RNF144B: variants seen among roughly 807,000 people sequenced by gnomAD.
RNF144B encodes the protein ring finger protein 144B.
RNF144B carries 25 observed loss-of-function variants against 40.2 expected under a neutral mutation model. The ratio of observed to expected loss-of-function variants is 0.62; its 90% CI spans 0.45 to 0.87. RNF144B has a LOEUF of 0.87. RNF144B is among the 40% of genes least tolerant of loss of function. The probability of loss-of-function intolerance (pLI) is 0.00; values close to 1 mark genes in which losing one functional copy is unlikely to be tolerated. For missense variants in RNF144B, 365 were observed against 373.7 expected (o/e 0.98, Z 0.19); for synonymous variants, 145 against 136.3 (o/e 1.06, Z -0.44).
At chr6:18,463,467 T>A in intron 7 of RNF144B, 87 bp downstream of exon 7, 2 of 806,358 alleles carry the variant, frequency 2.5e-6, no homozygotes, top group South Asian at 1.4e-5. Context: ...CATTATTCCC[T>A]CCTGGGAGGT....
At chr6:18,396,722 A>C in intron 1 of RNF144B, 1 of 985,428 alleles carries the variant, frequency 1.0e-6, no homozygotes, top group Non-Finnish European at 1.2e-6. Flanking sequence ...GTGAGAAGAC[A>C]ACAGATGGGA....
At position 18,434,614 on chromosome 6, in the gene RNF144B, GT is replaced by G. The variant is rs1450521508; in HGVS notation, c.271-5065del. On this transcript the variant is annotated intron_variant, in intron 3 of 7. Coordinates refer to ENST00000259939, the MANE Select transcript of RNF144B (RefSeq NM_182757.4). The surrounding 1 kb of genome is among the most constrained non-coding windows in gnomAD (Gnocchi z 4.1). ...ACATTCAGCTGAGTAGGAACTGAGTGTTTTTGTTTTGTTTGTTTGTTTTTTT... is the reference window on the plus strand; with the variant it reads ...ACATTCAGCTGAGTAGGAACTGAGTGTTTTGTTTTGTTTGTTTGTTTTTTT... Among the ~76,000 whole-genome samples, 2 of 150,452 alleles carry G rather than the reference GT, an allele frequency of 1.3e-5. No homozygotes were observed. The highest frequency in any genetic ancestry group is 1.3e-4 in the Admixed American group (2 of 14,858).
rs777540826 is a variant in RNF144B at position 18,464,961 on chromosome 6, C to T, written c.806C>T (p.Ala269Val). The T allele has an allele frequency of 3.7e-6, 6 of 1,613,924 alleles. No individual in the cohort carries two copies. The South Asian group carries it at 6.6e-5, about 18-fold the overall frequency. The change falls in exon 8 of 8, where the codon GCC (alanine) becomes GTC (valine). Residue 269 changes from alanine to valine, a missense_variant. By Grantham distance (64) the Ala-to-Val change is moderately conservative. Coordinates refer to ENST00000259939, the MANE Select transcript of RNF144B (RefSeq NM_182757.4). The surrounding 1 kb of genome is among the most constrained non-coding windows in gnomAD (Gnocchi z 6.1). ...ATTCTCGTAGGCTTGGGCATCATTGCCTTGGTTACTTCACCCTTGTTACTC... is the reference window on the plus strand; with the variant it reads ...ATTCTCGTAGGCTTGGGCATCATTGTCTTGGTTACTTCACCCTTGTTACTC... ...VGILVGLGII[A>V]LVTSPLLLLA...
chr6:18,426,470 T>C (rs36103630), intron 2 of RNF144B, among the ~76,000 whole-genome samples: 2 of 152,234 alleles, frequency 1.3e-5, no homozygotes, highest in African/African-American at 4.8e-5. Flanking sequence ...AGGAATAGGG[T>C]GAGGCATTAC....
In RNF144B at chr6:18,422,176, G is replaced by T. The variant is rs926351409; in HGVS notation, c.166-5405G>T. Among the ~76,000 whole-genome samples the T allele has an allele frequency of 6.6e-6, 1 of 152,192 alleles. No homozygotes were observed. The highest frequency in any genetic ancestry group is 2.4e-5 in the African/African-American group (1 of 41,458). On this transcript the variant is annotated intron_variant, in intron 2 of 7. Coordinates refer to ENST00000259939, the MANE Select transcript of RNF144B (RefSeq NM_182757.4). This position sits in a 1 kb window ranked among gnomAD's most constrained non-coding sequence, Gnocchi z 4.7. Reference sequence around the variant, plus strand: ...ATTTTCAAACCAGGATGCTTTTGGTGTGTTGGATAGGCTTTTGAGTAGGGA... The same window carrying T: ...ATTTTCAAACCAGGATGCTTTTGGTTTGTTGGATAGGCTTTTGAGTAGGGA...
At chr6:18,435,151 T>C (rs1376038815) in intron 3 of RNF144B, among the ~76,000 whole-genome samples, 1 of 152,218 alleles carries the variant, frequency 6.6e-6, no homozygotes, top group Non-Finnish European at 1.5e-5. Flanking sequence ...AAGTTGTCTT[T>C]TGTGCTTGGA....
rs1235364519 is a variant in RNF144B at position 18,395,181 on chromosome 6, C to G, written c.-36-4318C>G. 6.6e-6 allele frequency among the ~76,000 whole-genome samples: 1 copy of G among 152,164 alleles called. No homozygotes were observed. Among genetic ancestry groups the G allele is most frequent in the Non-Finnish European group, 1.5e-5 (1 of 68,034 alleles). On this transcript the variant is annotated intron_variant, in intron 1 of 7. Transcript: ENST00000259939. This position sits in a 1 kb window ranked among gnomAD's most constrained non-coding sequence, Gnocchi z 4.5. ...AAGTGGTAGGGTGGATAATTCAAGT[C>G]ACTTTCTTATTTTTGATAGAAATGT...
chr6:18,418,165 A>G lies in RNF144B; in HGVS notation c.166-9416A>G, dbSNP rs373042391. Among the ~76,000 whole-genome samples, 4 of 152,322 alleles carry G rather than the reference A, an allele frequency of 2.6e-5. No homozygotes were observed. Among genetic ancestry groups the G allele is most frequent in the African/African-American group, 9.6e-5 (4 of 41,592 alleles). ...ATGGAAAATGATGCAATTGCTTTGG[A>G]AAATCATCTAGCAGTTCCTCAAAAG... On this transcript the variant is annotated intron_variant, in intron 2 of 7. Coordinates refer to ENST00000259939, the MANE Select transcript of RNF144B (RefSeq NM_182757.4). The surrounding 1 kb of genome is among the most constrained non-coding windows in gnomAD (Gnocchi z 5.2).
intron 3 of RNF144B, among the ~76,000 whole-genome samples, chr6:18,432,159 G>A (rs1480996838): frequency 6.6e-6 from 1 of 152,208 alleles, no homozygotes; most frequent in African/African-American, 2.4e-5. Context: ...ATACAGGAGA[G>A]AGGATGTGCA....
chr6:18,390,796 A>G (rs1385158032), intron 1 of RNF144B, among the ~76,000 whole-genome samples: 1 of 152,136 alleles, frequency 6.6e-6, no homozygotes, highest in Non-Finnish European at 1.5e-5. Flanking sequence ...AAACCTCCTC[A>G]ACTAGTTGAC....
In RNF144B at chr6:18,419,645, G is replaced by T. The variant is rs574048208; in HGVS notation, c.166-7936G>T. ...GATACTGCTGTTGAGAGGTTGGGAAGGAAGAAATGTGTACTGGATTCAGTG... is the reference window on the plus strand; with the variant it reads ...GATACTGCTGTTGAGAGGTTGGGAATGAAGAAATGTGTACTGGATTCAGTG... On this transcript the variant is annotated intron_variant, in intron 2 of 7. Coordinates refer to ENST00000259939, the MANE Select transcript of RNF144B (RefSeq NM_182757.4). The surrounding 1 kb of genome is among the most constrained non-coding windows in gnomAD (Gnocchi z 4.6). 2.0e-5 allele frequency among the ~76,000 whole-genome samples: 3 copies of T among 152,232 alleles called. No individual in the cohort carries two copies. The highest frequency in any genetic ancestry group is 6.5e-5 in the Admixed American group (1 of 15,282).
intron 2 of RNF144B, among the ~76,000 whole-genome samples, chr6:18,407,984 CTTTTTTTTT>C (rs370801682): frequency 4.5e-5 from 6 of 133,602 alleles, no homozygotes; most frequent in East Asian, 4.3e-4. Flanking sequence ...CTTTCTTTTT[CTTTTTTTTT>C]TTTTTTTTCC....
chr6:18,459,546 C>T lies in RNF144B; in HGVS notation c.537-61C>T, dbSNP rs1393998747. The T allele has an allele frequency of 1.3e-6, 2 of 1,549,210 alleles. No individual in the cohort carries two copies. Among genetic ancestry groups the T allele is most frequent in the East Asian group, 2.3e-5 (1 of 44,228 alleles). ...GAGTTCATTATCTAACCATCAGGAGCCCTGGGAATTCAACTGATGACCATC... is the reference window on the plus strand; with the variant it reads ...GAGTTCATTATCTAACCATCAGGAGTCCTGGGAATTCAACTGATGACCATC... On this transcript the variant is annotated intron_variant, in intron 5 of 7. Transcript: ENST00000259939. This position sits in a 1 kb window ranked among gnomAD's most constrained non-coding sequence, Gnocchi z 4.2.
rs1434209735 is a variant in RNF144B, at chr6:18,395,361, T to C, written c.-36-4138T>C. 6.6e-6 allele frequency among the ~76,000 whole-genome samples: 1 copy of C among 152,130 alleles called. No homozygotes were observed. Among genetic ancestry groups the C allele is most frequent in the African/African-American group, 2.4e-5 (1 of 41,422 alleles). On this transcript the variant is annotated intron_variant, in intron 1 of 7. Transcript: ENST00000259939. This position sits in a 1 kb window ranked among gnomAD's most constrained non-coding sequence, Gnocchi z 4.5. ...GCTGGGAGTGTGTTATCAAATGCCC[T>C]GAGCTTCCTGAGGCTCTACTATTGG... is the stretch of plus-strand genomic sequence containing the variant.
In RNF144B at chr6:18,460,626, GCTCT is replaced by G. The variant is rs144227509; in HGVS notation, c.681+886_681+889del. Among the ~76,000 whole-genome samples, 234 of 151,018 alleles carry G rather than the reference GCTCT, an allele frequency of 1.5e-3. 1 individual carries two copies. The highest frequency in any genetic ancestry group is 5.3e-3 in the African/African-American group (220 of 41,220). The stretch of plus-strand genomic sequence containing the variant: ...CATGCTCTCTTGCATGCTCTCACTC[GCTCT>G]CTCTCTCTCTTGTTCATGAGCATGC... On this transcript the variant is annotated intron_variant, in intron 6 of 7. Coordinates refer to ENST00000259939, the MANE Select transcript of RNF144B (RefSeq NM_182757.4). This position sits in a 1 kb window ranked among gnomAD's most constrained non-coding sequence, Gnocchi z 4.4.
intron 1 of RNF144B, among the ~76,000 whole-genome samples, chr6:18,399,286 C>A (rs1223140103): frequency 6.6e-6 from 1 of 152,130 alleles, no homozygotes; most frequent in Non-Finnish European, 1.5e-5. Flanking sequence ...TGATGTGAAT[C>A]AGGACAGTGA....
chr6:18,439,863 T>C (rs1758919382), intron 4 of RNF144B, 119 bp downstream of exon 4: 2 of 603,508 alleles, frequency 3.3e-6, no homozygotes, highest in Admixed American at 2.7e-5. Flanking sequence ...AAGGGTACTC[T>C]AAAAGGAGAA....
At position 18,412,474 on chromosome 6, in the gene RNF144B, A is replaced by G. The variant is rs1795067482; in HGVS notation, c.165+12775A>G. Among the ~76,000 whole-genome samples, 1 of 152,238 alleles carries G rather than the reference A, an allele frequency of 6.6e-6. No homozygotes were observed. Among genetic ancestry groups the G allele is most frequent in the Admixed American group, 6.5e-5 (1 of 15,286 alleles). On this transcript the variant is annotated intron_variant, in intron 2 of 7. Transcript: ENST00000259939. The surrounding 1 kb of genome is among the most constrained non-coding windows in gnomAD (Gnocchi z 4.2). ...TAATCAAGTTAGAAAAAAATGGGCC[A>G]TATCTAGAAAAGTATATTACACATA... is the stretch of plus-strand genomic sequence containing the variant.
chr6:18,465,161 C>G lies in RNF144B; in HGVS notation c.*94C>G. On this transcript the variant is annotated 3_prime_UTR_variant, in exon 8 of 8. Coordinates refer to ENST00000259939, the MANE Select transcript of RNF144B (RefSeq NM_182757.4). ...AGTGACCTTGCCTCCTTCTCCTTGC[C>G]AACTTTGAAAGTGCCTCCGTGTCCA... The G allele has an allele frequency of 1.5e-6, 2 of 1,357,932 alleles. No homozygotes were observed. Among genetic ancestry groups the G allele is most frequent in the South Asian group, 2.7e-5 (2 of 73,600 alleles). 84.1% of individuals were successfully genotyped at this position (1,357,932 alleles called of 1,614,324 possible).
Sources: allele counts gnomAD v4.1 joint callset (sites outside exome capture counted in the v4.1 genomes callset), GRCh38; gene constraint gnomAD v4.1.1; non-coding constraint Gnocchi (gnomAD v3.1); transcripts MANE v1.5; gene names NCBI Gene and HGNC (gene_info 2026-07-23, HGNC 2026-07-21).